Variants in PTGER4 observed in about 807,000 individuals in gnomAD.
The protein encoded by PTGER4 is prostaglandin E2 receptor EP4 subtype.
PTGER4 carries 11 observed loss-of-function variants against 33.2 expected under a neutral mutation model. That is an observed-to-expected ratio of 0.33 (90% confidence interval 0.21 to 0.55). The LOEUF (loss-of-function observed/expected upper bound fraction) is 0.55, where lower values mean the gene tolerates loss of function less well. Among genes scored for constraint, PTGER4 ranks in the 20% least tolerant of loss-of-function variants. The pLI is 0.92. For synonymous variants in PTGER4, 275 were observed against 281.5 expected, an observed-to-expected ratio of 0.98 and a Z score of 0.23; for missense variants, 481 against 650.2, an observed-to-expected ratio of 0.74 and a Z score of 2.83.
chr5:40,739,248 C>A, the PTGER4 span, among the ~76,000 whole-genome samples: 1 of 152,162 alleles, frequency 6.6e-6, no homozygotes, highest in African/African-American at 2.4e-5. Context: ...CTTTGCATTT[C>A]CACATAAACT....
At chr5:40,727,437 C>A in the PTGER4 span, among the ~76,000 whole-genome samples, 6 of 152,186 alleles carry the variant, frequency 3.9e-5, no homozygotes, top group African/African-American at 1.4e-4. Flanking sequence ...CTAATTCTTA[C>A]CTAGATAGCC....
At chr5:40,682,695 C>T (rs1225832727) in intron 2 of PTGER4, among the ~76,000 whole-genome samples, 1 of 152,176 alleles carries the variant, frequency 6.6e-6, no homozygotes, top group South Asian at 2.1e-4. Flanking sequence ...GGTACAGTAC[C>T]ATTTTAGAGA....
chr5:40,740,126 T>A, the PTGER4 span, among the ~76,000 whole-genome samples: 1 of 152,144 alleles, frequency 6.6e-6, no homozygotes, highest in Non-Finnish European at 1.5e-5. Flanking sequence ...TATTTACTTC[T>A]ATATAACTTT....
chr5:40,712,858 G>A, the PTGER4 span, among the ~76,000 whole-genome samples: 1 of 152,212 alleles, frequency 6.6e-6, no homozygotes, highest in South Asian at 2.1e-4. Flanking sequence ...CATATATAGT[G>A]CACATTAGGG....
intron 2 of PTGER4, among the ~76,000 whole-genome samples, chr5:40,690,319 G>A (rs1021109623): frequency 3.9e-5 from 6 of 152,152 alleles, no homozygotes; most frequent in Non-Finnish European, 8.8e-5. Context: ...CAGCCTGGGC[G>A]ACAGAGTGAG....
At chr5:40,719,104 C>T in the PTGER4 span, among the ~76,000 whole-genome samples, 1 of 152,070 alleles carries the variant, frequency 6.6e-6, no homozygotes, top group South Asian at 2.1e-4. Context: ...AAAGCTCACC[C>T]ATTTAAAACA....
chr5:40,694,054 T>TA (rs1741533805), downstream of PTGER4, among the ~76,000 whole-genome samples: 3 of 152,212 alleles, frequency 2.0e-5, no homozygotes, highest in Non-Finnish European at 1.5e-5. Context: ...TTTTATTTTT[T>TA]TATTTTTTAT....
chr5:40,716,445 T>C, the PTGER4 span: 13 of 1,613,516 alleles, frequency 8.1e-6, no homozygotes, highest in African/African-American at 1.3e-5. Context: ...CTTCTTTCCA[T>C]ATTTCAGGGT....
At chr5:40,687,029 TTTTTTGTTTTTG>T (rs45527140) in intron 2 of PTGER4, among the ~76,000 whole-genome samples, 11 of 151,894 alleles carry the variant, frequency 7.2e-5, no homozygotes, top group South Asian at 4.2e-4. Context: ...TTCAGTGAGT[TTTTTTGTTTTTG>T]TTTTTGTTTT....
Position 40,681,333 on chromosome 5 carries a change from A to C in PTGER4, c.340A>C (p.Ser114Arg). The change falls in exon 2 of 3, where the codon AGT becomes CGT. Residue 114 changes from serine to arginine, a missense_variant. Coordinates refer to ENST00000302472, the MANE Select transcript of PTGER4 (RefSeq NM_000958.3). This position sits in a 1 kb window ranked among gnomAD's most constrained non-coding sequence, Gnocchi z 9.8. The stretch of plus-strand genomic sequence containing the variant: ...CGGCCTCAGCATCATCTGCGCCATG[A>C]GTGTCGAGCGCTACCTGGCCATCAA... ...LSGLSIICAM[S>R]VERYLAINHA... The C allele has an allele frequency of 1.2e-6, 2 of 1,614,094 alleles. No homozygotes were observed. The highest frequency in any genetic ancestry group is 8.5e-7 in the Non-Finnish European group (1 of 1,180,016).
At chr5:40,719,546 C>A in the PTGER4 span, among the ~76,000 whole-genome samples, 1 of 152,278 alleles carries the variant, frequency 6.6e-6, no homozygotes, top group Non-Finnish European at 1.5e-5. Flanking sequence ...CATATGTCTT[C>A]ATTTCTCTTG....
downstream of PTGER4, among the ~76,000 whole-genome samples, chr5:40,697,445 C>T (rs372942204): frequency 6.7e-4 from 101 of 151,708 alleles, no homozygotes; most frequent in Non-Finnish European, 1.8e-4. Context: ...ATTAGCCAGG[C>T]GTGGTGGCGC....
intron 2 of PTGER4, among the ~76,000 whole-genome samples, chr5:40,682,448 C>T (rs4546432): frequency 0.62 from 94,185 of 151,922 alleles, 29,331 homozygotes; most frequent in Admixed American, 0.66. Flanking sequence ...GTGAATGATA[C>T]GCTTAAAATA....
the PTGER4 span, among the ~76,000 whole-genome samples, chr5:40,713,117 A>G: frequency 6.6e-6 from 1 of 152,174 alleles, no homozygotes; most frequent in Non-Finnish European, 1.5e-5. Context: ...AAACACATTT[A>G]AGATATCCAT....
chr5:40,706,368 C>T, the PTGER4 span, among the ~76,000 whole-genome samples: 13 of 152,056 alleles, frequency 8.5e-5, no homozygotes, highest in Admixed American at 2.0e-4. Context: ...GAAAAGATAA[C>T]TATTGGGTAC....
the PTGER4 span, among the ~76,000 whole-genome samples, chr5:40,720,333 C>T: frequency 6.6e-6 from 1 of 152,302 alleles, no homozygotes; most frequent in African/African-American, 2.4e-5. Flanking sequence ...TGTCTTGACA[C>T]CCTTGTCCAA....
Position 40,680,599 on chromosome 5 carries a change from C to T in PTGER4, c.-44+121C>T, listed in dbSNP as rs1188097096. 1 of 167,652 alleles carries T rather than the reference C, an allele frequency of 6.0e-6. No homozygotes were observed. Among genetic ancestry groups the T allele is most frequent in the East Asian group, 1.7e-4 (1 of 5,906 alleles). The allele number at this position is 167,652 out of a possible 1,614,324, so 10.4% of individuals were successfully genotyped here. A position where few individuals can be genotyped will look rare whatever the true frequency, so the allele number is the denominator to read the frequency against. On this transcript the variant is annotated intron_variant, in intron 1 of 2. Coordinates refer to ENST00000302472, the MANE Select transcript of PTGER4 (RefSeq NM_000958.3). The surrounding 1 kb of genome is among the most constrained non-coding windows in gnomAD (Gnocchi z 5.5). ...CCAAATTGCTTTTGTAACTTGTTTT[C>T]AGTGAGCATTTTATTGATTCAGAAT...
chr5:40,745,084 T>C, the PTGER4 span, among the ~76,000 whole-genome samples: 1 of 152,166 alleles, frequency 6.6e-6, no homozygotes, highest in African/African-American at 2.4e-5. Flanking sequence ...GTCTGGACTC[T>C]TCCAATAGTC....
chr5:40,701,269 G>C, the PTGER4 span, among the ~76,000 whole-genome samples: 3 of 152,162 alleles, frequency 2.0e-5, no homozygotes, highest in South Asian at 6.2e-4. Context: ...CAAATCCAAG[G>C]AAAATAAGAA....
Sources: allele counts gnomAD v4.1 joint callset (sites outside exome capture counted in the v4.1 genomes callset), GRCh38; gene constraint gnomAD v4.1.1; non-coding constraint Gnocchi (gnomAD v3.1); transcripts MANE v1.5; gene names NCBI Gene and HGNC (gene_info 2026-07-23, HGNC 2026-07-21).